Variants in ATRNL1 observed in about 807,000 individuals in gnomAD.
The protein encoded by ATRNL1 is attractin-like protein 1.
In ATRNL1, 95 loss-of-function variants were observed where a neutral mutation model predicts 182.7. The observed-to-expected ratio is 0.52, with a 90% CI of 0.44 to 0.62. The LOEUF (loss-of-function observed/expected upper bound fraction) is 0.62. Ranked by LOEUF, ATRNL1 falls within the 20% of genes least tolerant of loss-of-function variation. The pLI is 0.00. For missense variants in ATRNL1, 1,471 were observed against 1,679.5 expected (o/e 0.88, Z 2.17); for synonymous variants, 576 against 568.3 (o/e 1.01, Z -0.19).
chr10:115,740,494 C>CCGAT (rs1948104017), intron 27 of ATRNL1, among the ~76,000 whole-genome samples: 1 of 150,634 alleles, frequency 6.6e-6, no homozygotes. Context: ...ATATCAAGAT[C>CCGAT]CTATCTATCT....
chr10:115,669,687 C>T (rs1945635349), intron 26 of ATRNL1, among the ~76,000 whole-genome samples: 1 of 152,054 alleles, frequency 6.6e-6, no homozygotes, highest in Non-Finnish European at 1.5e-5. Flanking sequence ...TGTATATATT[C>T]ACTGGAGCAC....
intron 27 of ATRNL1, among the ~76,000 whole-genome samples, chr10:115,759,241 A>G (rs1183496299): frequency 6.6e-6 from 1 of 152,232 alleles, no homozygotes; most frequent in Non-Finnish European, 1.5e-5. Flanking sequence ...TCTTTAAATC[A>G]GGGTTTCTCA....
intron 18 of ATRNL1, among the ~76,000 whole-genome samples, chr10:115,332,182 C>T (rs1404406107): frequency 1.3e-5 from 2 of 152,236 alleles, no homozygotes; most frequent in East Asian, 1.9e-4. Context: ...GTGTAGAATC[C>T]CTGAGTCCTG....
intron 26 of ATRNL1, among the ~76,000 whole-genome samples, chr10:115,650,984 G>C (rs1387703481): frequency 6.6e-6 from 1 of 152,084 alleles, no homozygotes; most frequent in Non-Finnish European, 1.5e-5. Context: ...TGTGGAATAT[G>C]TGCTATCTAA....
intron 28 of ATRNL1, among the ~76,000 whole-genome samples, chr10:115,868,974 C>T (rs1418518000): frequency 1.3e-5 from 2 of 151,592 alleles, no homozygotes; most frequent in Non-Finnish European, 2.9e-5. Flanking sequence ...GGAGTACAGG[C>T]GCCCGCCACC....
At chr10:115,842,393 A>C (rs1199749199) in intron 27 of ATRNL1, among the ~76,000 whole-genome samples, 1 of 152,130 alleles carries the variant, frequency 6.6e-6, no homozygotes, top group Non-Finnish European at 1.5e-5. Flanking sequence ...GGAAATTTTA[A>C]ATTTCACCAT....
Position 115,315,597 on chromosome 10 carries a change from T to C in ATRNL1, c.2898T>C (p.Asn966=). 1 of 1,613,832 alleles carries C rather than the reference T, an allele frequency of 6.2e-7. No individual in the cohort carries two copies. The highest frequency in any genetic ancestry group is 8.5e-7 in the Non-Finnish European group (1 of 1,179,864). The change falls in exon 18 of 29, where the codon AAT becomes AAC. Residue 966 remains asparagine, a synonymous_variant. Coordinates refer to ENST00000355044, the MANE Select transcript of ATRNL1 (RefSeq NM_207303.4). ...GTGGCTGGTGCAATGATCCTAGTAA[T>C]ACAGGAAGAGGACATTGCATTGAAG... ...PGCGWCNDPS[N]TGRGHCIEGS... is the part of the protein sequence containing the mutation.
chr10:115,880,140 TTCACC>T (rs1308799509), intron 28 of ATRNL1, among the ~76,000 whole-genome samples: 1 of 152,176 alleles, frequency 6.6e-6, no homozygotes, highest in African/African-American at 2.4e-5. Context: ...AGTAGAGTGC[TTCACC>T]TCAACTGGCA....
chr10:115,564,414 C>G (rs1555000886), intron 26 of ATRNL1, among the ~76,000 whole-genome samples: 1 of 151,888 alleles, frequency 6.6e-6, no homozygotes, highest in Admixed American at 6.6e-5. Flanking sequence ...CCAATTTGTT[C>G]TAGTTCCTTG....
chr10:115,865,968 T>C (rs1555104674), intron 28 of ATRNL1, among the ~76,000 whole-genome samples: 1 of 152,142 alleles, frequency 6.6e-6, no homozygotes, highest in Admixed American at 6.5e-5. Context: ...TTTTAAATAG[T>C]TTGTGGATTT....
intron 14 of ATRNL1, among the ~76,000 whole-genome samples, chr10:115,284,976 A>G (rs1471560974): frequency 6.6e-6 from 1 of 152,142 alleles, no homozygotes; most frequent in Non-Finnish European, 1.5e-5. Context: ...TATCTGCACT[A>G]TCCCTGATCT....
At chr10:115,416,559 T>G (rs1460010482) in intron 20 of ATRNL1, among the ~76,000 whole-genome samples, 1 of 152,132 alleles carries the variant, frequency 6.6e-6, no homozygotes, top group African/African-American at 2.4e-5. Context: ...CAAGGTGGTG[T>G]TGGTTTGTTT....
chr10:115,911,107 C>T (rs543001490), intron 28 of ATRNL1, among the ~76,000 whole-genome samples: 12 of 152,026 alleles, frequency 7.9e-5, no homozygotes, highest in South Asian at 2.1e-4. Flanking sequence ...CAGGTTCTAA[C>T]GATTCTCATG....
chr10:115,358,711 G>A lies in ATRNL1; in HGVS notation c.3175+24292G>A, dbSNP rs577684315. Among the ~76,000 whole-genome samples the A allele has an allele frequency of 2.6e-5, 4 of 151,768 alleles. No individual in the cohort carries two copies. The South Asian group carries it at 8.3e-4, about 31-fold the overall frequency. ...TTTTTGAAAGGTTAAGTCATTAAGT[G>A]CTAGAATGAGAATTGAAACCTTGAA... On this transcript the variant is annotated intron_variant, in intron 19 of 28. Coordinates refer to ENST00000355044, the MANE Select transcript of ATRNL1 (RefSeq NM_207303.4).
At chr10:115,462,170 TTC>T (rs1280880761) in intron 22 of ATRNL1, 135 bp downstream of exon 22, 1 of 518,132 alleles carries the variant, frequency 1.9e-6, no homozygotes, top group Non-Finnish European at 3.2e-6. Flanking sequence ...TATTAATTTT[TTC>T]TCTCTTCGTG....
intron 27 of ATRNL1, among the ~76,000 whole-genome samples, chr10:115,800,080 C>T (rs1364581170): frequency 2.6e-5 from 4 of 151,896 alleles, no homozygotes; most frequent in African/African-American, 7.3e-5. Flanking sequence ...ATTAGCTGGA[C>T]GTGGTGGTGC....
intron 28 of ATRNL1, 107 bp from the exon 29 acceptor site, chr10:115,944,549 CGT>C (rs1953828056): frequency 5.6e-6 from 5 of 898,564 alleles, no homozygotes; most frequent in Non-Finnish European, 8.0e-6. Flanking sequence ...AACAGCCAAA[CGT>C]GTGATGACTA....
At chr10:115,513,148 G>T (rs1850472999) in intron 24 of ATRNL1, among the ~76,000 whole-genome samples, 1 of 151,884 alleles carries the variant, frequency 6.6e-6, no homozygotes, top group Non-Finnish European at 1.5e-5. Context: ...AAAAGATTGG[G>T]CACCCCTGCA....
intron 24 of ATRNL1, among the ~76,000 whole-genome samples, chr10:115,469,831 A>ATAGT (rs567883092): frequency 8.4e-4 from 127 of 150,590 alleles, no homozygotes; most frequent in Non-Finnish European, 1.4e-3. Flanking sequence ...CATTTTTGTT[A>ATAGT]TAGTTAGAGG....
Sources: allele counts gnomAD v4.1 joint callset (sites outside exome capture counted in the v4.1 genomes callset), GRCh38; gene constraint gnomAD v4.1.1; transcripts MANE v1.5; gene names NCBI Gene and HGNC (gene_info 2026-07-23, HGNC 2026-07-21).